ARHGAP10: variants seen among roughly 807,000 people sequenced by gnomAD.
ARHGAP10 encodes rho GTPase-activating protein 10.
ARHGAP10 carries 87 observed loss-of-function variants against 108.6 expected under a neutral mutation model. That is an observed-to-expected ratio of 0.80 (90% CI 0.67 to 0.96). ARHGAP10 has a LOEUF of 0.96. ARHGAP10 is among the 40% of genes least tolerant of loss of function. ARHGAP10 has a pLI of 0.00. For missense variants in ARHGAP10, 939 were observed against 954.5 expected (o/e 0.98, Z 0.21); for synonymous variants, 347 against 341.1 (o/e 1.02, Z -0.19).
At chr4:147,768,323 T>G (rs1389548552) in intron 1 of ARHGAP10, among the ~76,000 whole-genome samples, 1 of 152,228 alleles carries the variant, frequency 6.6e-6, no homozygotes, top group Non-Finnish European at 1.5e-5. Flanking sequence ...GTACTTACAT[T>G]ACTTTATTAC....
chr4:148,063,787 C>A (rs1319392524), intron 21 of ARHGAP10, among the ~76,000 whole-genome samples: 6 of 152,124 alleles, frequency 3.9e-5, no homozygotes, highest in Non-Finnish European at 8.8e-5. Flanking sequence ...TGAGGCGTTT[C>A]CTTTGGATTT....
At chr4:147,878,115 T>C (rs1735150331) in intron 8 of ARHGAP10, among the ~76,000 whole-genome samples, 1 of 151,874 alleles carries the variant, frequency 6.6e-6, no homozygotes. Context: ...TTTTTTTTTT[T>C]TGGAGACAGA....
At position 147,949,181 on chromosome 4, in the gene ARHGAP10, A is replaced by G. The variant is rs569338718; in HGVS notation, c.1391+2477A>G. Reference sequence around the variant, plus strand: ...GCCACTGTTCTAAATTTTTTCTGAAACTGTTATGTGCACTATTGTTATTCC... The same window carrying G: ...GCCACTGTTCTAAATTTTTTCTGAAGCTGTTATGTGCACTATTGTTATTCC... On this transcript the variant is annotated intron_variant, in intron 15 of 22. Transcript: ENST00000336498. Among the ~76,000 whole-genome samples, 69 of 152,266 alleles carry G rather than the reference A, an allele frequency of 4.5e-4. No homozygotes were observed. In the South Asian group the frequency reaches 6.4e-3, roughly 14 times the overall value.
chr4:147,904,805 A>C (rs1736401914), intron 10 of ARHGAP10, among the ~76,000 whole-genome samples: 1 of 152,216 alleles, frequency 6.6e-6, no homozygotes, highest in South Asian at 2.1e-4. Context: ...AGGAATCGCC[A>C]CACTGACTTC....
chr4:147,792,728 T>C (rs1003604848), intron 1 of ARHGAP10, among the ~76,000 whole-genome samples: 1 of 152,214 alleles, frequency 6.6e-6, no homozygotes, highest in South Asian at 2.1e-4. Flanking sequence ...TCTTTTGTAG[T>C]GTCTGCTCTG....
intron 1 of ARHGAP10, among the ~76,000 whole-genome samples, chr4:147,789,991 ATTTTTTTTTTTTT>A (rs767313173): frequency 8.5e-6 from 1 of 117,810 alleles, no homozygotes; most frequent in African/African-American, 3.1e-5. Flanking sequence ...TGGTGTGTGG[ATTTTTTTTTTTTT>A]TTTTTTTTTT....
chr4:147,864,733 A>T, intron 5 of ARHGAP10, 113 bp from the exon 6 acceptor site: 1 of 794,346 alleles, frequency 1.3e-6, no homozygotes. Context: ...TTTATTTACA[A>T]AATCAGGCAG....
intron 10 of ARHGAP10, among the ~76,000 whole-genome samples, chr4:147,897,339 G>A (rs1454916347): frequency 6.6e-6 from 1 of 151,902 alleles, no homozygotes; most frequent in Non-Finnish European, 1.5e-5. Flanking sequence ...CTGACTTCAA[G>A]CCATCTTCCT....
At chr4:148,007,952 A>G (rs920495253) in intron 18 of ARHGAP10, among the ~76,000 whole-genome samples, 29 of 152,138 alleles carry the variant, frequency 1.9e-4, no homozygotes, top group Admixed American at 1.8e-3. Context: ...CTGAAATGTA[A>G]TGCCCTAGCA....
chr4:147,774,212 A>G (rs990794769), intron 1 of ARHGAP10, among the ~76,000 whole-genome samples: 4 of 152,224 alleles, frequency 2.6e-5, no homozygotes, highest in Non-Finnish European at 5.9e-5. Flanking sequence ...AAATTCCTAT[A>G]TTTGACCATG....
chr4:147,921,558 CAGAG>C (rs60865948), intron 13 of ARHGAP10, among the ~76,000 whole-genome samples: 6,882 of 152,134 alleles, frequency 0.045, 491 homozygotes, highest in African/African-American at 0.16. Context: ...GGGATAATGA[CAGAG>C]AGCATGTGGA....
intron 1 of ARHGAP10, among the ~76,000 whole-genome samples, chr4:147,771,244 A>G (rs1017935364): frequency 1.3e-5 from 2 of 152,206 alleles, no homozygotes; most frequent in South Asian, 2.1e-4. Flanking sequence ...AAGGAATTCA[A>G]CATGAGTACT....
intron 22 of ARHGAP10, among the ~76,000 whole-genome samples, chr4:148,070,420 G>A (rs1730117401): frequency 6.6e-6 from 1 of 152,224 alleles, no homozygotes; most frequent in Non-Finnish European, 1.5e-5. Context: ...TCTGCAGACA[G>A]CCGGAATGTG....
chr4:147,778,498 T>C (rs1204007081), intron 1 of ARHGAP10, among the ~76,000 whole-genome samples: 1 of 152,216 alleles, frequency 6.6e-6, no homozygotes, highest in Admixed American at 6.5e-5. Flanking sequence ...AACTGAAGTC[T>C]GTTTTGTCTT....
rs910257830 is a variant in ARHGAP10 at position 147,948,734 on chromosome 4, A to G, written c.1391+2030A>G. 2.0e-5 allele frequency among the ~76,000 whole-genome samples: 3 copies of G among 152,060 alleles called. No homozygotes were observed. In the East Asian group the frequency reaches 5.8e-4, roughly 29 times the overall value. ...CACTTTGGGAGGCCGAGGCAGGCAG[A>G]TCACAAGATCAGGAGATCAAGACCA... is the stretch of plus-strand genomic sequence containing the variant. On this transcript the variant is annotated intron_variant, in intron 15 of 22. Coordinates refer to ENST00000336498, the MANE Select transcript of ARHGAP10 (RefSeq NM_024605.4).
chr4:147,787,232 GTATT>G (rs1201378942), intron 1 of ARHGAP10, among the ~76,000 whole-genome samples: 2 of 152,136 alleles, frequency 1.3e-5, no homozygotes, highest in South Asian at 2.1e-4. Flanking sequence ...GGTAGAAGTA[GTATT>G]TATTTATTTA....
At chr4:147,738,322 C>T (rs879637473) in intron 1 of ARHGAP10, among the ~76,000 whole-genome samples, 6 of 152,086 alleles carry the variant, frequency 3.9e-5, no homozygotes, top group Admixed American at 6.5e-5. Flanking sequence ...GAGGCCGAGG[C>T]GGGCGGATCA....
chr4:147,791,624 G>T (rs1411711265), intron 1 of ARHGAP10, among the ~76,000 whole-genome samples: 1 of 151,452 alleles, frequency 6.6e-6, no homozygotes, highest in Non-Finnish European at 1.5e-5. Flanking sequence ...GCATGGAGTT[G>T]CCCAGGCTGG....
intron 1 of ARHGAP10, among the ~76,000 whole-genome samples, chr4:147,768,137 A>C (rs1350659563): frequency 6.6e-6 from 1 of 152,160 alleles, no homozygotes; most frequent in African/African-American, 2.4e-5. Flanking sequence ...AGAATAAGGG[A>C]TGGCTCCTGA....
Sources: allele counts gnomAD v4.1 joint callset (sites outside exome capture counted in the v4.1 genomes callset), GRCh38; gene constraint gnomAD v4.1.1; transcripts MANE v1.5; gene names NCBI Gene and HGNC (gene_info 2026-07-23, HGNC 2026-07-21).